Variants in FLT3LG observed in about 807,000 individuals in gnomAD.
The protein encoded by FLT3LG is fms-related tyrosine kinase 3 ligand.
Under a neutral mutation model 30.9 loss-of-function variants are expected in FLT3LG, and 8 were observed. The ratio of observed to expected loss-of-function variants is 0.26; its 90% CI spans 0.15 to 0.47. The LOEUF is 0.47. FLT3LG is among the 20% of genes least tolerant of loss of function. The probability of loss-of-function intolerance (pLI) is 0.99; values close to 1 mark genes in which losing one functional copy is unlikely to be tolerated. For missense variants in FLT3LG, 278 were observed against 306.2 expected, an observed-to-expected ratio of 0.91 and a Z score of 0.69; for synonymous variants, 123 against 135.9, an observed-to-expected ratio of 0.91 and a Z score of 0.66.
In FLT3LG at chr19:49,474,266, A is replaced by G; in HGVS notation, c.-53A>G. 1 of 365,448 alleles carries G rather than the reference A, an allele frequency of 2.7e-6. No homozygotes were observed. The highest frequency in any genetic ancestry group is 3.8e-5 in the South Asian group (1 of 26,524). The allele number at this position is 365,448 out of a possible 1,614,324, so 22.6% of individuals were successfully genotyped here. On this transcript the variant is annotated 5_prime_UTR_variant, in exon 1 of 9. Coordinates refer to ENST00000597551, the MANE Select transcript of FLT3LG (RefSeq NM_001459.4). The stretch of plus-strand genomic sequence containing the variant: ...ACCCGGCTTGGCCCCTTCCACACCC[A>G]ACTGGGGCAAGCCTGGTGCGTGAGG...
chr19:49,482,718 C>G (rs1193622914), intron 8 of FLT3LG, among the ~76,000 whole-genome samples: 1 of 151,778 alleles, frequency 6.6e-6, no homozygotes, highest in Non-Finnish European at 1.5e-5. Context: ...ACCTCCACCT[C>G]CCGGGTTCAA....
At chr19:49,481,167 GAGTGGATGGGCAGAGAGTCAGGGGTC>G (rs1210910212) in intron 8 of FLT3LG, 1 of 155,346 alleles carries the variant, frequency 6.4e-6, no homozygotes, top group Non-Finnish European at 1.4e-5. Flanking sequence ...GGATGGAGTG[GAGTGGATGGGCAGAGAGTCAGGGGTC>G]AGAGATCAGG....
At chr19:49,474,564 G>A in intron 1 of FLT3LG, 39 bp from the exon 2 acceptor site, 1 of 1,486,576 alleles carries the variant, frequency 6.7e-7, no homozygotes, top group Non-Finnish European at 9.3e-7. Flanking sequence ...AGGGGCTGGG[G>A]CATGAGGGTC....
At chr19:49,475,219 GGGGGGAGATGGACAGAGGA>G (rs1377368489) in intron 2 of FLT3LG, among the ~76,000 whole-genome samples, 4 of 110,892 alleles carry the variant, frequency 3.6e-5, no homozygotes, top group African/African-American at 1.0e-4. Context: ...AGACAGAGGA[GGGGGGAGATGGACAGAGGA>G]GGGGGAGATG....
intron 2 of FLT3LG, 49 bp downstream of exon 2, chr19:49,474,721 C>G (rs1311285583): frequency 6.3e-7 from 1 of 1,584,518 alleles, no homozygotes; most frequent in East Asian, 2.3e-5. Flanking sequence ...GGCACAATGT[C>G]AGGATGGGGC....
At chr19:49,485,480 G>A (rs1402249924) in intron 8 of FLT3LG, among the ~76,000 whole-genome samples, 3 of 152,076 alleles carry the variant, frequency 2.0e-5, no homozygotes, top group Non-Finnish European at 4.4e-5. Context: ...CAAGGCTGGA[G>A]TGCAATGGTG....
Position 49,479,039 on chromosome 19 carries a change from G to A in FLT3LG, c.473G>A (p.Cys158Tyr). ...TTCTCCCGGTGCCTGGAGCTGCAGTGTCAGCCCGGTAAAGGCTTCCAGGCA... is the reference window on the plus strand; with the variant it reads ...TTCTCCCGGTGCCTGGAGCTGCAGTATCAGCCCGGTAAAGGCTTCCAGGCA... The part of the protein sequence containing the change: ...QNFSRCLELQ[C>Y]QPDSSTLPPP... The change falls in exon 6 of 9, where the codon TGT (cysteine) becomes TAT (tyrosine). Residue 158 changes from cysteine to tyrosine, a missense_variant. Coordinates refer to ENST00000597551, the MANE Select transcript of FLT3LG (RefSeq NM_001459.4). 1 of 1,607,350 alleles carries A rather than the reference G, an allele frequency of 6.2e-7. No individual in the cohort carries two copies. The highest frequency in any genetic ancestry group is 8.5e-7 in the Non-Finnish European group (1 of 1,176,942).
In FLT3LG at chr19:49,480,342, G is replaced by A. The variant is rs1435032244; in HGVS notation, c.526G>A (p.Ala176Thr). The change falls in exon 7 of 9, where the codon GCC becomes ACC. Residue 176 changes from alanine (A) to threonine (T), a missense_variant. Physicochemically the swap from Ala to Thr is moderately conservative, Grantham distance 58. This residue lies in a region of FLT3LG where 170 missense variants were observed against 162.0 expected (regional missense o/e 1.05). Coordinates refer to ENST00000597551, the MANE Select transcript of FLT3LG (RefSeq NM_001459.4). ...PPPWSPRPLE[A>T]TAPTAPQPPL... is the part of the protein sequence containing the mutation. Reference sequence around the variant, plus strand: ...CCCATGGAGTCCCCGGCCCCTGGAGGCCACAGCCCCGACAGCCCCGCAGCC... The same window carrying A: ...CCCATGGAGTCCCCGGCCCCTGGAGACCACAGCCCCGACAGCCCCGCAGCC... 1.2e-6 allele frequency: 2 copies of A among 1,609,962 alleles called. No individual in the cohort carries two copies. The highest frequency in any genetic ancestry group is 1.7e-6 in the Non-Finnish European group (2 of 1,178,320).
chr19:49,476,762 TC>T lies in FLT3LG; in HGVS notation c.342+199del. 1 of 677,520 alleles carries T rather than the reference TC, an allele frequency of 1.5e-6. No individual in the cohort carries two copies. Among genetic ancestry groups the T allele is most frequent in the Non-Finnish European group, 2.4e-6 (1 of 421,416 alleles). 42.0% of individuals were successfully genotyped at this position (677,520 alleles called of 1,614,324 possible). A position where few individuals can be genotyped will look rare whatever the true frequency, so the allele number is the denominator to read the frequency against. ...GCACCGGTGATGGGGAGCAGTCTGG[TC>T]CCATTCTGGGGCCCCGGTTTCCTAG... On this transcript the variant is annotated intron_variant, in intron 5 of 8. Coordinates refer to ENST00000597551, the MANE Select transcript of FLT3LG (RefSeq NM_001459.4). This position sits in a 1 kb window ranked among gnomAD's most constrained non-coding sequence, Gnocchi z 5.3.
At chr19:49,484,288 ATTT>A (rs745909519) in intron 8 of FLT3LG, among the ~76,000 whole-genome samples, 3 of 98,330 alleles carry the variant, frequency 3.1e-5, no homozygotes, top group African/African-American at 1.3e-4. Flanking sequence ...TTTTATTATA[ATTT>A]TTTTTTTTTT....
At chr19:49,484,040 A>G (rs901868612) in intron 8 of FLT3LG, among the ~76,000 whole-genome samples, 3 of 151,168 alleles carry the variant, frequency 2.0e-5, no homozygotes, top group Non-Finnish European at 4.4e-5. Flanking sequence ...GCGTGCCACC[A>G]CACCCAGCTA....
Position 49,476,662 on chromosome 19 carries a change from A to G in FLT3LG, c.342+96A>G, listed in dbSNP as rs1395534033. ...CTAGGCCTTATTGGCGATTTGGACC[A>G]TAGCCACCCAACGAAGGTAGAGCGA... On this transcript the variant is annotated intron_variant, in intron 5 of 8. Transcript: ENST00000597551. The surrounding 1 kb of genome is among the most constrained non-coding windows in gnomAD (Gnocchi z 5.3). 4.6e-6 allele frequency: 7 copies of G among 1,537,140 alleles called. No homozygotes were observed. Among genetic ancestry groups the G allele is most frequent in the Non-Finnish European group, 5.3e-6 (6 of 1,126,508 alleles).
chr19:49,479,568 C>T (rs2079526931), intron 6 of FLT3LG: 1 of 140,860 alleles, frequency 7.1e-6, no homozygotes, highest in Admixed American at 8.1e-5. Context: ...GGGGTGCTAT[C>T]TCGGCTCACT....
In FLT3LG at chr19:49,478,909, C is replaced by T; in HGVS notation, c.343C>T (p.Pro115Ser). Residue 115 changes from proline to serine, a missense_variant and splice_region_variant, in exon 6 of 9, where the codon CCC becomes TCC. This residue lies in a region of FLT3LG where 170 missense variants were observed against 162.0 expected (regional missense o/e 1.05). Transcript: ENST00000597551. The stretch of plus-strand genomic sequence containing the variant: ...TGACGTCTCCCTCCCCTGCTCCCAG[C>T]CCCCCCCCAGCTGTCTTCGCTTCGT... The part of the protein sequence containing the change: ...IHFVTKCAFQ[P>S]PPSCLRFVQT... 3 of 1,475,642 alleles carry T rather than the reference C, an allele frequency of 2.0e-6. No homozygotes were observed. Among genetic ancestry groups the T allele is most frequent in the South Asian group, 1.3e-5 (1 of 75,706 alleles). 91.4% of individuals were successfully genotyped at this position (1,475,642 alleles called of 1,614,324 possible). A position where few individuals can be genotyped will look rare whatever the true frequency, so the allele number is the denominator to read the frequency against.
chr19:49,482,575 G>T (rs1392371055), intron 8 of FLT3LG, among the ~76,000 whole-genome samples: 1 of 152,022 alleles, frequency 6.6e-6, no homozygotes, highest in African/African-American at 2.4e-5. Flanking sequence ...GAGCAACGCA[G>T]TGGAAACGGC....
chr19:49,483,407 G>A (rs371719957), intron 8 of FLT3LG, among the ~76,000 whole-genome samples: 3 of 151,934 alleles, frequency 2.0e-5, no homozygotes, highest in Non-Finnish European at 2.9e-5. Flanking sequence ...AAGCCACCGC[G>A]CCCAGCCCAG....
chr19:49,476,675 G>C lies in FLT3LG; in HGVS notation c.342+109G>C. ...GCGATTTGGACCATAGCCACCCAACGAAGGTAGAGCGAGAAGCGCCACCCT... is the reference window on the plus strand; with the variant it reads ...GCGATTTGGACCATAGCCACCCAACCAAGGTAGAGCGAGAAGCGCCACCCT... On this transcript the variant is annotated intron_variant, in intron 5 of 8. Transcript: ENST00000597551. The surrounding 1 kb of genome is among the most constrained non-coding windows in gnomAD (Gnocchi z 5.3). 1 of 1,476,196 alleles carries C rather than the reference G, an allele frequency of 6.8e-7. No individual in the cohort carries two copies. Among genetic ancestry groups the C allele is most frequent in the Non-Finnish European group, 9.3e-7 (1 of 1,080,698 alleles). 91.4% of individuals were successfully genotyped at this position (1,476,196 alleles called of 1,614,324 possible). A position where few individuals can be genotyped will look rare whatever the true frequency, so the allele number is the denominator to read the frequency against.
rs1411750444 is a variant in FLT3LG, at chr19:49,486,063, T to C, written c.*70T>C. On this transcript the variant is annotated 3_prime_UTR_variant, in exon 9 of 9. Coordinates refer to ENST00000597551, the MANE Select transcript of FLT3LG (RefSeq NM_001459.4). ...GGGGAGTCACCAGCCAGAGGATGCA[T>C]AGCCTGGACACAGAGGAAGTTGGCT... The C allele has an allele frequency of 6.6e-6, 1 of 152,560 alleles. No individual in the cohort carries two copies. The highest frequency in any genetic ancestry group is 1.5e-5 in the Non-Finnish European group (1 of 68,068). 9.5% of individuals were successfully genotyped at this position (152,560 alleles called of 1,614,324 possible).
At chr19:49,481,013 C>T (rs1568676859) in intron 8 of FLT3LG, 1 of 137,710 alleles carries the variant, frequency 7.3e-6, no homozygotes, top group Non-Finnish European at 1.5e-5. Context: ...GCCTGAGTGA[C>T]AGAGCTAGAC....
Sources: gnomAD v4.1 joint callset for allele counts (sites outside exome capture counted in the v4.1 genomes callset) on GRCh38, gnomAD v4.1.1 for gene constraint, gnomAD v4.1.1 regional missense constraint, Gnocchi (gnomAD v3.1) non-coding constraint, MANE v1.5 for transcripts, NCBI Gene and HGNC (gene_info 2026-07-23, HGNC 2026-07-21) for gene names.